The following ZRANB3 variants were observed in gnomAD, a reference collection of about 807,000 sequenced individuals.
The protein encoded by ZRANB3 is zinc finger RANBP2-type containing 3.
In ZRANB3, 125 loss-of-function variants were observed where a neutral mutation model predicts 133.8. That is an observed-to-expected ratio of 0.93 (90% confidence interval 0.81 to 1.08). The LOEUF (loss-of-function observed/expected upper bound fraction) is 1.08, where lower values mean the gene tolerates loss of function less well. Ranked by LOEUF, ZRANB3 falls within the 50% of genes least tolerant of loss-of-function variation. The pLI is 0.00. For synonymous variants in ZRANB3, 387 were observed against 432.7 expected, an observed-to-expected ratio of 0.89 and a Z score of 1.31; for missense variants, 1,229 against 1,275.5, an observed-to-expected ratio of 0.96 and a Z score of 0.56.
chr2:135,405,956 G>A (rs1283306603), intron 2 of ZRANB3, among the ~76,000 whole-genome samples: 1 of 152,106 alleles, frequency 6.6e-6, no homozygotes, highest in Admixed American at 6.6e-5. Flanking sequence ...CAGAAGGCAA[G>A]AAATAACTAA....
At chr2:135,409,315 C>A (rs942464205) in intron 2 of ZRANB3, among the ~76,000 whole-genome samples, 1 of 152,160 alleles carries the variant, frequency 6.6e-6, no homozygotes, top group Non-Finnish European at 1.5e-5. Flanking sequence ...TTGGGGATTA[C>A]ATTTCAACAT....
chr2:135,456,297 C>A (rs747919933), intron 2 of ZRANB3, among the ~76,000 whole-genome samples: 2 of 152,162 alleles, frequency 1.3e-5, no homozygotes, highest in Non-Finnish European at 2.9e-5. Context: ...GAGGTTTTGC[C>A]AACACCTAGG....
chr2:135,520,863 C>T (rs1015744247), intron 1 of ZRANB3, among the ~76,000 whole-genome samples: 1 of 151,900 alleles, frequency 6.6e-6, no homozygotes, highest in Admixed American at 6.6e-5. Flanking sequence ...TGGTCTGGAA[C>T]TCCTGGCCTT....
intron 9 of ZRANB3, among the ~76,000 whole-genome samples, chr2:135,272,414 C>CTTTTTTTTTTTTTGTTTTTTTTTTTTTTT (rs1680564370): frequency 9.3e-6 from 1 of 107,774 alleles, no homozygotes. Flanking sequence ...GAAAATAGAG[C>CTTTTTTTTTTTTTGTTTTTTTTTTTTTTT]TTTTTTTTTT....
intron 3 of ZRANB3, among the ~76,000 whole-genome samples, chr2:135,368,999 T>G (rs1367152443): frequency 6.6e-6 from 1 of 151,846 alleles, no homozygotes; most frequent in Non-Finnish European, 1.5e-5. Flanking sequence ...GCCTGTAAAC[T>G]CACTTAGGAC....
chr2:135,491,634 G>A (rs1001876387), intron 2 of ZRANB3, among the ~76,000 whole-genome samples: 2 of 152,040 alleles, frequency 1.3e-5, no homozygotes, highest in African/African-American at 4.8e-5. Context: ...CTGCCTCAGT[G>A]TCCCAGGTAG....
At chr2:135,421,440 A>C (rs913260643) in intron 2 of ZRANB3, among the ~76,000 whole-genome samples, 4 of 152,204 alleles carry the variant, frequency 2.6e-5, no homozygotes, top group Non-Finnish European at 5.9e-5. Flanking sequence ...AGTAGACTTC[A>C]TTTGTAGTCA....
chr2:135,266,186 C>T (rs1680238037), intron 11 of ZRANB3, among the ~76,000 whole-genome samples: 1 of 151,948 alleles, frequency 6.6e-6, no homozygotes, highest in Non-Finnish European at 1.5e-5. Flanking sequence ...TCCTGTGTGA[C>T]ACAGTGAGAC....
intron 2 of ZRANB3, among the ~76,000 whole-genome samples, chr2:135,444,431 C>G (rs1373751876): frequency 1.3e-5 from 2 of 151,938 alleles, no homozygotes; most frequent in African/African-American, 4.8e-5. Flanking sequence ...AAATACTCGG[C>G]AATAAGAAGG....
At chr2:135,431,444 C>A (rs957939861) in intron 2 of ZRANB3, among the ~76,000 whole-genome samples, 3 of 151,534 alleles carry the variant, frequency 2.0e-5, no homozygotes, top group Admixed American at 6.6e-5. Context: ...TAGGCTTTTT[C>A]TTAGAGAAGA....
intron 1 of ZRANB3, among the ~76,000 whole-genome samples, chr2:135,509,189 G>C (rs957039781): frequency 2.0e-5 from 3 of 152,018 alleles, no homozygotes; most frequent in Non-Finnish European, 2.9e-5. Context: ...ATGTGGACAG[G>C]AGCACATCAG....
chr2:135,526,969 C>T (rs1694188250), intron 1 of ZRANB3, among the ~76,000 whole-genome samples: 1 of 152,168 alleles, frequency 6.6e-6, no homozygotes, highest in African/African-American at 2.4e-5. Flanking sequence ...TTACCTATAG[C>T]CTGGAAGTCC....
chr2:135,520,592 T>C (rs1319748647), intron 1 of ZRANB3, among the ~76,000 whole-genome samples: 1 of 151,734 alleles, frequency 6.6e-6, no homozygotes, highest in East Asian at 2.0e-4. Context: ...GTTTTTTTGT[T>C]TGTTTTTTTT....
chr2:135,395,391 A>G (rs1687442579), intron 2 of ZRANB3, among the ~76,000 whole-genome samples: 1 of 151,886 alleles, frequency 6.6e-6, no homozygotes, highest in Admixed American at 6.6e-5. Flanking sequence ...TGAAACTACT[A>G]CAAGGAAACA....
At chr2:135,459,379 G>C (rs1450084789) in intron 2 of ZRANB3, among the ~76,000 whole-genome samples, 1 of 152,138 alleles carries the variant, frequency 6.6e-6, no homozygotes, top group African/African-American at 2.4e-5. Context: ...TCAGTGCCCA[G>C]CTTGCCTAGT....
At chr2:135,442,220 C>T (rs568804743) in intron 2 of ZRANB3, among the ~76,000 whole-genome samples, 5 of 152,222 alleles carry the variant, frequency 3.3e-5, no homozygotes, top group African/African-American at 1.2e-4. Context: ...TAAAGAGCTT[C>T]TGCACAGCAA....
chr2:135,362,750 A>C (rs983928280), intron 3 of ZRANB3, among the ~76,000 whole-genome samples: 3 of 152,206 alleles, frequency 2.0e-5, no homozygotes, highest in African/African-American at 7.2e-5. Flanking sequence ...CAGCCTCCAG[A>C]GTACCTAGGA....
intron 12 of ZRANB3, among the ~76,000 whole-genome samples, chr2:135,261,017 CAAT>C (rs1679937953): frequency 6.8e-6 from 1 of 147,370 alleles, no homozygotes; most frequent in East Asian, 2.0e-4. Flanking sequence ...ATATAATATT[CAAT>C]AATATACTGA....
chr2:135,302,956 AAG>A (rs1420022572), intron 8 of ZRANB3, among the ~76,000 whole-genome samples: 1 of 152,244 alleles, frequency 6.6e-6, no homozygotes. Context: ...AGCAAAAAAC[AAG>A]AGAGTTATTA....
Sources: allele counts gnomAD v4.1 joint callset (sites outside exome capture counted in the v4.1 genomes callset), GRCh38; gene constraint gnomAD v4.1.1; transcripts MANE v1.5; gene names NCBI Gene and HGNC (gene_info 2026-07-23, HGNC 2026-07-21).